Variants in MYO1D observed in about 807,000 individuals in gnomAD.
MYO1D encodes myosin ID.
In MYO1D, 83 loss-of-function variants were observed where a neutral mutation model predicts 122.0. The ratio of observed to expected loss-of-function variants is 0.68; its 90% CI spans 0.57 to 0.82. MYO1D has a LOEUF of 0.82. MYO1D is among the 40% of genes least tolerant of loss of function. MYO1D has a pLI of 0.00. For synonymous variants in MYO1D, 464 were observed against 446.9 expected (o/e 1.04, Z -0.48); for missense variants, 1,157 against 1,269.5 (o/e 0.91, Z 1.35).
chr17:32,628,756 T>A (rs1036877265), intron 20 of MYO1D, among the ~76,000 whole-genome samples: 6 of 152,198 alleles, frequency 3.9e-5, no homozygotes, highest in African/African-American at 1.4e-4. Context: ...CTGATGAGGA[T>A]GGGAAGTAAC....
At position 32,516,030 on chromosome 17, in the gene MYO1D, T is replaced by A. The variant is rs923586081; in HGVS notation, c.2865-21115A>T. 3.3e-5 allele frequency among the ~76,000 whole-genome samples: 5 copies of A among 152,348 alleles called. No homozygotes were observed. In the East Asian group the frequency reaches 9.6e-4, roughly 29 times the overall value. On this transcript the variant is annotated intron_variant, in intron 21 of 21. Transcript: ENST00000318217. ...TAATGACAGAGGCAAAGCAGGCCTT[T>A]CTATCAATATGTTCTGCACACTTCC...
intron 1 of MYO1D, among the ~76,000 whole-genome samples, chr17:32,853,808 C>T (rs2091008203): frequency 6.6e-6 from 1 of 152,054 alleles, no homozygotes; most frequent in African/African-American, 2.4e-5. Flanking sequence ...TCAATATATG[C>T]AAGATGGCAA....
intron 21 of MYO1D, among the ~76,000 whole-genome samples, chr17:32,559,208 G>C (rs886849262): frequency 1.3e-4 from 20 of 152,116 alleles, no homozygotes; most frequent in African/African-American, 3.9e-4. Flanking sequence ...GTATAAAAAA[G>C]GGTTTGTAAT....
At chr17:32,686,872 G>A (rs2909515) in intron 16 of MYO1D, among the ~76,000 whole-genome samples, 60,776 of 151,052 alleles carry the variant, frequency 0.4, 12,703 homozygotes, top group East Asian at 0.53. Flanking sequence ...GTTTCAAAGC[G>A]GGAGGGATTG....
chr17:32,676,332 T>C (rs2088808325), intron 16 of MYO1D, among the ~76,000 whole-genome samples: 1 of 150,932 alleles, frequency 6.6e-6, no homozygotes, highest in African/African-American at 2.4e-5. Context: ...AGATTTTTTC[T>C]TTTGTGAATT....
intron 20 of MYO1D, among the ~76,000 whole-genome samples, chr17:32,616,914 C>G (rs1039181910): frequency 1.3e-5 from 2 of 152,198 alleles, no homozygotes; most frequent in Non-Finnish European, 2.9e-5. Flanking sequence ...AGAAGTCCAA[C>G]TACCAGCCAG....
intron 21 of MYO1D, among the ~76,000 whole-genome samples, chr17:32,496,710 T>G (rs991119112): frequency 6.6e-6 from 1 of 152,072 alleles, no homozygotes; most frequent in Non-Finnish European, 1.5e-5. Flanking sequence ...TCTTGTCCTC[T>G]GGGAGCCTCC....
At position 32,619,342 on chromosome 17, in the gene MYO1D, T is replaced by A. The variant is rs146983730; in HGVS notation, c.2710-14101A>T. On this transcript the variant is annotated intron_variant, in intron 20 of 21. Transcript: ENST00000318217. ...GAGATAATCAAATTCATCACAAGGG[T>A]ACATAAAGCAAGACAAATGGCCAAG... is the stretch of plus-strand genomic sequence containing the variant. 1.1e-4 allele frequency among the ~76,000 whole-genome samples: 17 copies of A among 152,306 alleles called. No individual in the cohort carries two copies. The East Asian group carries it at 3.3e-3, about 29-fold the overall frequency.
intron 21 of MYO1D, among the ~76,000 whole-genome samples, chr17:32,534,379 C>T (rs1317637601): frequency 4.6e-5 from 7 of 152,064 alleles, no homozygotes; most frequent in Non-Finnish European, 8.8e-5. Context: ...TGCTATGTTG[C>T]CCAGGCTGGT....
At chr17:32,839,205 G>T (rs2090854623) in intron 1 of MYO1D, among the ~76,000 whole-genome samples, 1 of 152,204 alleles carries the variant, frequency 6.6e-6, no homozygotes, top group Admixed American at 6.5e-5. Context: ...CAAGAAGGTA[G>T]ACTAAGCTGT....
At chr17:32,742,014 CAA>C (rs55636240) in intron 13 of MYO1D, among the ~76,000 whole-genome samples, 4 of 106,194 alleles carry the variant, frequency 3.8e-5, no homozygotes, top group Non-Finnish European at 1.9e-5. Flanking sequence ...GACTCCGTCT[CAA>C]AAAAAAAAAA....
At chr17:32,707,465 A>T (rs2089323083) in intron 16 of MYO1D, among the ~76,000 whole-genome samples, 1 of 152,208 alleles carries the variant, frequency 6.6e-6, no homozygotes, top group Non-Finnish European at 1.5e-5. Context: ...TCAACTTAAC[A>T]ATCTCACTCC....
At chr17:32,658,208 A>ATTT (rs1308424891) in intron 17 of MYO1D, among the ~76,000 whole-genome samples, 4 of 152,152 alleles carry the variant, frequency 2.6e-5, no homozygotes, top group Non-Finnish European at 5.9e-5. Context: ...TTATCTTTTG[A>ATTT]TACCTTCCAT....
intron 17 of MYO1D, among the ~76,000 whole-genome samples, chr17:32,656,994 T>A (rs1337361459): frequency 6.6e-6 from 1 of 152,206 alleles, no homozygotes; most frequent in African/African-American, 2.4e-5. Flanking sequence ...ACTGGGGGAT[T>A]CAGGACCTGA....
At chr17:32,525,407 G>C (rs145529832) in intron 21 of MYO1D, among the ~76,000 whole-genome samples, 2 of 151,958 alleles carry the variant, frequency 1.3e-5, no homozygotes, top group East Asian at 3.9e-4. Flanking sequence ...TTTCTAGTCA[G>C]TATGTCTTGA....
intron 14 of MYO1D, 144 bp downstream of exon 14, chr17:32,738,109 T>A (rs1364029029): frequency 7.4e-6 from 5 of 676,402 alleles, no homozygotes; most frequent in Non-Finnish European, 1.1e-5. Flanking sequence ...AATGCAGGAA[T>A]AAAAATTCTA....
At chr17:32,628,829 G>C (rs1420494657) in intron 20 of MYO1D, among the ~76,000 whole-genome samples, 2 of 152,202 alleles carry the variant, frequency 1.3e-5, no homozygotes, top group African/African-American at 4.8e-5. Flanking sequence ...AATACTGGCA[G>C]TTCTTACAAA....
intron 11 of MYO1D, among the ~76,000 whole-genome samples, chr17:32,749,970 A>G (rs2089881656): frequency 1.3e-5 from 2 of 152,184 alleles, no homozygotes; most frequent in African/African-American, 4.8e-5. Flanking sequence ...GAGGTTAAGC[A>G]ATTGGCCCAA....
chr17:32,492,914 GGGCCCAAGGCACCATCCAAA>G lies in MYO1D; in HGVS notation c.*1825_*1844del, dbSNP rs1301289065. 1 of 152,590 alleles carries G rather than the reference GGGCCCAAGGCACCATCCAAA, an allele frequency of 6.6e-6. No individual in the cohort carries two copies. Among genetic ancestry groups the G allele is most frequent in the Non-Finnish European group, 1.5e-5 (1 of 68,042 alleles). The allele number at this position is 152,590 out of a possible 1,614,324, so 9.5% of individuals were successfully genotyped here. On this transcript the variant is annotated 3_prime_UTR_variant, in exon 22 of 22. Transcript: ENST00000318217. ...GGGAGGCCCTGGCGCTGGGGCTAAG[GGGCCCAAGGCACCATCCAAA>G]GGCTGGGAGGAAAGAACCCAAACCC...
Sources: allele counts gnomAD v4.1 joint callset (sites outside exome capture counted in the v4.1 genomes callset), GRCh38; gene constraint gnomAD v4.1.1; transcripts MANE v1.5; gene names NCBI Gene and HGNC (gene_info 2026-07-23, HGNC 2026-07-21).